The following U2SURP variants were observed in gnomAD, a reference collection of about 807,000 sequenced individuals.
U2SURP encodes U2 snRNP associated SURP domain containing.
In U2SURP, 9 loss-of-function variants were observed where a neutral mutation model predicts 144.9. The observed-to-expected ratio is 0.06, with a 90% CI of 0.04 to 0.11. The LOEUF (loss-of-function observed/expected upper bound fraction) is 0.11, where lower values mean the gene tolerates loss of function less well. Among genes scored for constraint, U2SURP ranks in the 10% least tolerant of loss-of-function variants. U2SURP has a pLI of 1.00. For synonymous variants in U2SURP, 408 were observed against 396.8 expected (o/e 1.03, Z -0.33); for missense variants, 724 against 1,226.7 (o/e 0.59, Z 6.12).
chr3:143,007,900 T>C (rs1256691671), intron 1 of U2SURP, among the ~76,000 whole-genome samples: 4 of 152,228 alleles, frequency 2.6e-5, no homozygotes, highest in Non-Finnish European at 1.5e-5. Context: ...TTGACTGTTA[T>C]CTTTAGAAGT....
At chr3:143,045,141 C>A (rs6796771) in intron 24 of U2SURP, among the ~76,000 whole-genome samples, 1 of 151,718 alleles carries the variant, frequency 6.6e-6, no homozygotes, top group Non-Finnish European at 1.5e-5. Flanking sequence ...GAGGTCGAGG[C>A]GGGTGGATCA....
At chr3:143,037,643 G>A (rs1300535878) in intron 21 of U2SURP, among the ~76,000 whole-genome samples, 1 of 151,904 alleles carries the variant, frequency 6.6e-6, no homozygotes, top group East Asian at 1.9e-4. Flanking sequence ...GCAAAATCTT[G>A]TGCTCAGTTA....
At chr3:143,056,166 TAG>T in intron 27 of U2SURP, 144 bp from the exon 28 acceptor site, 1 of 749,526 alleles carries the variant, frequency 1.3e-6, no homozygotes, top group Non-Finnish European at 2.1e-6. Flanking sequence ...GTGTGTACAA[TAG>T]AGTTTAAATT....
chr3:143,003,675 TTC>T, intron 1 of U2SURP, among the ~76,000 whole-genome samples: 1 of 117,334 alleles, frequency 8.5e-6, no homozygotes, highest in Non-Finnish European at 1.6e-5. Flanking sequence ...TTTATTTTAT[TTC>T]TTTTTTTTTT....
chr3:143,019,944 G>A (rs1292842463), intron 6 of U2SURP, 25 bp from the exon 7 acceptor site: 2 of 1,382,582 alleles, frequency 1.4e-6, no homozygotes, highest in Non-Finnish European at 1.9e-6. Flanking sequence ...TTTGTTTGAA[G>A]TATAACTTGT....
chr3:143,055,139 G>T lies in U2SURP; in HGVS notation c.2951+20G>T. 6.5e-7 allele frequency: 1 copy of T among 1,539,264 alleles called. No individual in the cohort carries two copies. Among genetic ancestry groups the T allele is most frequent in the South Asian group, 1.3e-5 (1 of 77,496 alleles). On this transcript the variant is annotated intron_variant, in intron 27 of 27. Coordinates refer to ENST00000473835, the MANE Select transcript of U2SURP (RefSeq NM_001080415.2). ...CAAAAGGTAAATGCAAGTCATTTTT[G>T]CTAATATTTCAGATACCAGTTTCCT...
In U2SURP at chr3:143,043,287, C is replaced by T. The variant is rs764390383; in HGVS notation, c.2544+11C>T. 1.3e-5 allele frequency: 20 copies of T among 1,584,866 alleles called. No homozygotes were observed. Among genetic ancestry groups the T allele is most frequent in the Middle Eastern group, 1.7e-4 (1 of 5,932 alleles). ...CTTCGTGAAATTGAGGTTGGTGTTG[C>T]AGTGAAACTTAAATTACACTTTATT... is the stretch of plus-strand genomic sequence containing the variant. On this transcript the variant is annotated intron_variant, in intron 24 of 27. Transcript: ENST00000473835.
chr3:143,003,580 C>T (rs535390362), intron 1 of U2SURP, among the ~76,000 whole-genome samples: 23 of 150,564 alleles, frequency 1.5e-4, no homozygotes, highest in African/African-American at 4.9e-4. Context: ...TCTTAGCTTT[C>T]AAAATGTCAG....
In U2SURP at chr3:143,033,360, A is replaced by G. The variant is rs1441573555; in HGVS notation, c.1853+10A>G. On this transcript the variant is annotated intron_variant, in intron 18 of 27. Coordinates refer to ENST00000473835, the MANE Select transcript of U2SURP (RefSeq NM_001080415.2). Reference sequence around the variant, plus strand: ...CATATTATAGAAAATTGTAAGTATAATGATATAACTGATATTCCTGAAATA... The same window carrying G: ...CATATTATAGAAAATTGTAAGTATAGTGATATAACTGATATTCCTGAAATA... 3.0e-6 allele frequency: 4 copies of G among 1,352,378 alleles called. No homozygotes were observed. The highest frequency in any genetic ancestry group is 3.1e-6 in the Non-Finnish European group (3 of 970,284). The allele number at this position is 1,352,378 out of a possible 1,614,324, so 83.8% of individuals were successfully genotyped here. A position where few individuals can be genotyped will look rare whatever the true frequency, so the allele number is the denominator to read the frequency against.
chr3:143,031,450 A>AACCTTCAGCTACCACCACCCTG (rs1933488175), intron 16 of U2SURP, among the ~76,000 whole-genome samples: 2 of 134,756 alleles, frequency 1.5e-5, no homozygotes, highest in African/African-American at 5.2e-5. Flanking sequence ...CCACCACCCT[A>AACCTTCAGCTACCACCACCCTG]ACCTTCAGCT....
intron 24 of U2SURP, among the ~76,000 whole-genome samples, chr3:143,045,387 A>T (rs2108308626): frequency 6.6e-6 from 1 of 151,202 alleles, no homozygotes; most frequent in South Asian, 2.1e-4. Flanking sequence ...AAAAAAAAAA[A>T]AAGAGCACTC....
chr3:143,036,378 G>A (rs1297556902), intron 20 of U2SURP, among the ~76,000 whole-genome samples: 1 of 24,868 alleles, frequency 4.0e-5, no homozygotes, highest in African/African-American at 9.8e-5. Context: ...TAGAAAATAA[G>A]CAAGTAATAG....
At chr3:143,047,882 A>C (rs1026553170) in intron 24 of U2SURP, among the ~76,000 whole-genome samples, 140 of 140,398 alleles carry the variant, frequency 1.0e-3, no homozygotes, top group African/African-American at 1.4e-3. Context: ...CGGGGGGCTG[A>C]CCCCCCCCAA....
chr3:143,002,430 A>T (rs1233069998), intron 1 of U2SURP: 25 of 152,238 alleles, frequency 1.6e-4, no homozygotes. Flanking sequence ...TTGTGAAACC[A>T]GTGAGCTGTG....
chr3:143,059,060 A>C lies in U2SURP; in HGVS notation c.*2610A>C, dbSNP rs968445142. 2.6e-5 allele frequency: 4 copies of C among 152,346 alleles called. No individual in the cohort carries two copies. Among genetic ancestry groups the C allele is most frequent in the Non-Finnish European group, 4.4e-5 (3 of 67,852 alleles). 9.4% of individuals were successfully genotyped at this position (152,346 alleles called of 1,614,324 possible). On this transcript the variant is annotated 3_prime_UTR_variant, in exon 28 of 28. Transcript: ENST00000473835. ...AGTAAGTCTTGATCTGTTTCTTACCAAAGAGAGACAGACCTATGATGGAAA... is the reference window on the plus strand; with the variant it reads ...AGTAAGTCTTGATCTGTTTCTTACCCAAGAGAGACAGACCTATGATGGAAA...
chr3:143,043,152 A>T lies in U2SURP; in HGVS notation c.2420A>T (p.Gln807Leu), dbSNP rs779745232. Residue 807 changes from glutamine to leucine, a missense_variant, in exon 24 of 28, where the codon CAA becomes CTA. Coordinates refer to ENST00000473835, the MANE Select transcript of U2SURP (RefSeq NM_001080415.2). Reference sequence around the variant, plus strand: ...GAAAGTGAAGATGAAGAAGATACTCAAAGTTCCAAATCTGAAGAACATCAT... The same window carrying T: ...GAAAGTGAAGATGAAGAAGATACTCTAAGTTCCAAATCTGAAGAACATCAT... ...EEESEDEEDT[Q>L]SSKSEEHHLY... The T allele has an allele frequency of 8.1e-6, 13 of 1,604,528 alleles. 1 individual carries two copies. In the South Asian group the frequency reaches 1.5e-4, roughly 18 times the overall value.
At chr3:143,020,090 A>T in intron 7 of U2SURP, 54 bp downstream of exon 7, 1 of 1,113,806 alleles carries the variant, frequency 9.0e-7, no homozygotes, top group East Asian at 2.7e-5. Context: ...GCTGATACAT[A>T]AACAGATGCA....
chr3:143,041,306 A>G (rs1301643376), intron 23 of U2SURP, among the ~76,000 whole-genome samples: 2 of 152,104 alleles, frequency 1.3e-5, no homozygotes, highest in South Asian at 2.1e-4. Context: ...TGTGTTTTAA[A>G]AAAATTAACT....
intron 24 of U2SURP, among the ~76,000 whole-genome samples, chr3:143,050,159 C>T (rs1393271117): frequency 6.6e-6 from 1 of 152,086 alleles, no homozygotes; most frequent in Non-Finnish European, 1.5e-5. Flanking sequence ...CCGCAACCTC[C>T]GCCCACCGGG....
Sources: gnomAD v4.1 joint callset for allele counts (sites outside exome capture counted in the v4.1 genomes callset) on GRCh38, gnomAD v4.1.1 for gene constraint, MANE v1.5 for transcripts, NCBI Gene and HGNC (gene_info 2026-07-23, HGNC 2026-07-21) for gene names.